NMNAT3: variants seen among roughly 807,000 people sequenced by gnomAD.
NMNAT3 encodes nicotinamide/nicotinic acid mononucleotide adenylyltransferase 3.
Under a neutral mutation model 24.8 loss-of-function variants are expected in NMNAT3, and 21 were observed. That is an observed-to-expected ratio of 0.85 (90% CI 0.60 to 1.22). The LOEUF is 1.22. Among genes scored for constraint, NMNAT3 ranks in the 50% most tolerant of loss-of-function variants. The pLI is 0.00. For synonymous variants in NMNAT3, 136 were observed against 155.2 expected (o/e 0.88, Z 0.92); for missense variants, 387 against 436.6 (o/e 0.89, Z 1.01).
Position 139,573,646 on chromosome 3 carries a change from G to C in NMNAT3, c.610C>G (p.Gln204Glu), listed in dbSNP as rs571538768. 3.7e-6 allele frequency: 6 copies of C among 1,606,220 alleles called. No individual in the cohort carries two copies. Among genetic ancestry groups the C allele is most frequent in the Non-Finnish European group, 5.1e-6 (6 of 1,176,730 alleles). Reference sequence around the variant, plus strand: ...TTGCCATGGTCTGGGCCTTCCATCTGGGGTGGAGATCTGAGCAGTTTGCTG... The same window carrying C: ...TTGCCATGGTCTGGGCCTTCCATCTCGGGTGGAGATCTGAGCAGTTTGCTG... The change falls in exon 6 of 7, where the codon CAG (glutamine) becomes GAG (glutamate). Residue 204 changes from glutamine (Q) to glutamate (E), a missense_variant. Gln to Glu is a conservative substitution (Grantham distance 29). This residue lies in a region of NMNAT3 where 323 missense variants were observed against 345.2 expected (regional missense o/e 0.94). Coordinates refer to ENST00000643695, the MANE Select transcript of NMNAT3 (RefSeq NM_001320510.2).
At chr3:139,583,690 A>C (rs1056952298) in intron 3 of NMNAT3, 1 of 683,534 alleles carries the variant, frequency 1.5e-6, no homozygotes, top group Admixed American at 2.6e-5. Context: ...ACAAAGTTTG[A>C]ATTATTTTCT....
chr3:139,630,248 T>TGTA (rs2056236930), intron 2 of NMNAT3, among the ~76,000 whole-genome samples: 1 of 152,224 alleles, frequency 6.6e-6, no homozygotes, highest in Non-Finnish European at 1.5e-5. Context: ...ACATGGCCAC[T>TGTA]GTAGCTACAA....
chr3:139,614,662 A>G (rs770137598), intron 3 of NMNAT3, among the ~76,000 whole-genome samples: 3 of 152,168 alleles, frequency 2.0e-5, no homozygotes, highest in Non-Finnish European at 2.9e-5. Flanking sequence ...GTTGGGGTGG[A>G]CCCTCCTCGG....
chr3:139,674,156 T>C (rs931847804), intron 1 of NMNAT3, among the ~76,000 whole-genome samples: 1 of 152,214 alleles, frequency 6.6e-6, no homozygotes, highest in African/African-American at 2.4e-5. Context: ...TCCAGATGCA[T>C]GGTCACCCTC....
intron 3 of NMNAT3, among the ~76,000 whole-genome samples, chr3:139,622,599 G>C (rs2055830943): frequency 6.6e-6 from 1 of 150,924 alleles, no homozygotes; most frequent in Non-Finnish European, 1.5e-5. Flanking sequence ...GCCAGGCATG[G>C]TGATGCATGC....
intron 2 of NMNAT3, chr3:139,637,524 G>A (rs765607461): frequency 6.6e-6 from 1 of 152,164 alleles, no homozygotes; most frequent in South Asian, 2.1e-4. Context: ...TGATTTAATT[G>A]GTCAGTCTCA....
chr3:139,616,595 C>T, intron 3 of NMNAT3, among the ~76,000 whole-genome samples: 1 of 152,168 alleles, frequency 6.6e-6, no homozygotes, highest in Non-Finnish European at 1.5e-5. Flanking sequence ...CTTCAGGACT[C>T]TCTCTTTCTA....
chr3:139,597,504 A>T (rs1364206188), intron 3 of NMNAT3, among the ~76,000 whole-genome samples: 4 of 152,164 alleles, frequency 2.6e-5, no homozygotes, highest in Non-Finnish European at 5.9e-5. Flanking sequence ...CAATTTGATA[A>T]CCTACTACTT....
At chr3:139,620,125 A>C (rs2055695261) in intron 3 of NMNAT3, among the ~76,000 whole-genome samples, 1 of 150,236 alleles carries the variant, frequency 6.7e-6, no homozygotes, top group African/African-American at 2.4e-5. Context: ...AATTTCTCTT[A>C]CTATTTATTT....
intron 3 of NMNAT3, among the ~76,000 whole-genome samples, chr3:139,622,782 T>TATATATATG (rs1293890326): frequency 2.8e-5 from 4 of 142,122 alleles, no homozygotes; most frequent in South Asian, 2.2e-4. Context: ...ATATATATGA[T>TATATATATG]ATATATATGA....
At chr3:139,575,881 C>T (rs1490337097) in intron 5 of NMNAT3, 2 of 1,268,126 alleles carry the variant, frequency 1.6e-6, no homozygotes, top group East Asian at 5.6e-5. Flanking sequence ...CCTGCAGATC[C>T]CTGTTTTGAA....
intron 1 of NMNAT3, among the ~76,000 whole-genome samples, chr3:139,660,001 A>G (rs1011803533): frequency 2.6e-5 from 4 of 152,130 alleles, no homozygotes; most frequent in South Asian, 2.1e-4. Context: ...TGGTGGTTCT[A>G]TTTCTTGAAG....
intron 1 of NMNAT3, among the ~76,000 whole-genome samples, chr3:139,671,257 C>T (rs575551023): frequency 4.7e-4 from 71 of 152,222 alleles, no homozygotes; most frequent in Middle Eastern, 3.4e-3. Context: ...GTAATGTAAC[C>T]GCATTCTGTT....
At chr3:139,641,404 G>A (rs1343260066) in intron 1 of NMNAT3, among the ~76,000 whole-genome samples, 1 of 152,188 alleles carries the variant, frequency 6.6e-6, no homozygotes. Context: ...TGATCTACGA[G>A]TGTGCATGCC....
intron 1 of NMNAT3, among the ~76,000 whole-genome samples, chr3:139,676,890 T>C (rs2057945610): frequency 6.6e-6 from 1 of 152,198 alleles, no homozygotes; most frequent in Non-Finnish European, 1.5e-5. Flanking sequence ...AAGCCTTGGA[T>C]GTTTAGTGCA....
At chr3:139,677,266 C>G (rs567625665) in intron 1 of NMNAT3, among the ~76,000 whole-genome samples, 1 of 152,326 alleles carries the variant, frequency 6.6e-6, no homozygotes, top group Admixed American at 6.5e-5. Context: ...CTGTCGGTCT[C>G]CCCCCACTGG....
At chr3:139,645,474 T>G (rs992035885) in intron 1 of NMNAT3, among the ~76,000 whole-genome samples, 14 of 152,208 alleles carry the variant, frequency 9.2e-5, no homozygotes, top group Admixed American at 8.5e-4. Context: ...GTCACCAATT[T>G]GCCAGGATCC....
intron 6 of NMNAT3, chr3:139,566,502 C>A (rs967679412): frequency 2.6e-5 from 4 of 152,036 alleles, no homozygotes; most frequent in African/African-American, 9.6e-5. Flanking sequence ...TTAGGTCTAA[C>A]ATTTAAGTCT....
Position 139,561,315 on chromosome 3 carries a change from G to A in NMNAT3, c.736C>T (p.His246Tyr), listed in dbSNP as rs761160906. The change falls in exon 7 of 7, where the codon CAC becomes TAC. Residue 246 changes from histidine to tyrosine, a missense_variant. By Grantham distance (83) the His-to-Tyr change is moderately conservative. Transcript: ENST00000643695. ...AACTTCTCCACTATTTCCTGGATGTGCGCATCCTTCCAGAGGTTGGGGGTC... is the reference window on the plus strand; with the variant it reads ...AACTTCTCCACTATTTCCTGGATGTACGCATCCTTCCAGAGGTTGGGGGTC... The A allele has an allele frequency of 8.7e-6, 14 of 1,614,062 alleles. No homozygotes were observed. Among genetic ancestry groups the A allele is most frequent in the Middle Eastern group, 1.6e-4 (1 of 6,062 alleles).
Sources: gnomAD v4.1 joint callset for allele counts (sites outside exome capture counted in the v4.1 genomes callset) on GRCh38, gnomAD v4.1.1 for gene constraint, gnomAD v4.1.1 regional missense constraint, MANE v1.5 for transcripts, NCBI Gene and HGNC (gene_info 2026-07-23, HGNC 2026-07-21) for gene names.